DCC: variants seen among roughly 807,000 people sequenced by gnomAD.
DCC encodes netrin receptor DCC.
DCC carries 58 observed loss-of-function variants against 172.5 expected under a neutral mutation model. The ratio of observed to expected loss-of-function variants is 0.34; its 90% CI spans 0.27 to 0.42. The LOEUF (loss-of-function observed/expected upper bound fraction) is 0.42. Among genes scored for constraint, DCC ranks in the 10% least tolerant of loss-of-function variants. DCC has a pLI of 1.00. For missense variants in DCC, 1,740 were observed against 1,791.0 expected (o/e 0.97, Z 0.51); for synonymous variants, 709 against 644.5 (o/e 1.10, Z -1.52).
At chr18:52,955,000 C>T (rs377696111) in intron 5 of DCC, among the ~76,000 whole-genome samples, 12 of 152,236 alleles carry the variant, frequency 7.9e-5, no homozygotes, top group African/African-American at 2.9e-4. Flanking sequence ...CTCACTATGA[C>T]CATCCCACGC....
chr18:53,023,112 T>C (rs1437160197), intron 5 of DCC, among the ~76,000 whole-genome samples: 2 of 152,020 alleles, frequency 1.3e-5, no homozygotes, highest in Non-Finnish European at 2.9e-5. Context: ...ATGCACTTTT[T>C]CTAGTTTTGT....
intron 14 of DCC, among the ~76,000 whole-genome samples, chr18:53,323,167 T>TCG (rs1235218052): frequency 6.6e-6 from 1 of 152,188 alleles, no homozygotes. Context: ...TCTCTTTCCA[T>TCG]GTCTTCCTCA....
At chr18:53,077,432 T>G (rs2042738899) in intron 7 of DCC, among the ~76,000 whole-genome samples, 1 of 152,138 alleles carries the variant, frequency 6.6e-6, no homozygotes, top group South Asian at 2.1e-4. Context: ...GGGAAGGTAG[T>G]TGTACAATAG....
rs143890710 is a variant in DCC at position 52,530,063 on chromosome 18, A to G, written c.91+189185A>G. ...AATTAAACGTTAATATATTTTAGTGAAACTATATGATGTATAGTATATATG... is the reference window on the plus strand; with the variant it reads ...AATTAAACGTTAATATATTTTAGTGGAACTATATGATGTATAGTATATATG... On this transcript the variant is annotated intron_variant, in intron 1 of 28. Coordinates refer to ENST00000442544, the MANE Select transcript of DCC (RefSeq NM_005215.4). Among the ~76,000 whole-genome samples, 896 of 152,368 alleles carry G rather than the reference A, an allele frequency of 5.9e-3. 14 individuals carry two copies. Among genetic ancestry groups the G allele is most frequent in the African/African-American group, 0.021 (863 of 41,584 alleles).
intron 9 of DCC, among the ~76,000 whole-genome samples, chr18:53,188,174 T>C (rs142713728): frequency 4.6e-5 from 7 of 152,278 alleles, no homozygotes; most frequent in African/African-American, 1.4e-4. Flanking sequence ...ATTCCAACCA[T>C]TGAAATGTGC....
intron 27 of DCC, among the ~76,000 whole-genome samples, chr18:53,513,552 C>G (rs1308044242): frequency 1.3e-5 from 2 of 152,156 alleles, no homozygotes; most frequent in African/African-American, 2.4e-5. Flanking sequence ...CATCAGTGTG[C>G]TGTATTCAGG....
intron 21 of DCC, among the ~76,000 whole-genome samples, chr18:53,433,607 C>T (rs902900848): frequency 1.3e-5 from 2 of 152,150 alleles, no homozygotes; most frequent in Non-Finnish European, 2.9e-5. Context: ...GTTGATCTCA[C>T]GATGTCTCGT....
At chr18:52,723,203 T>C (rs9946497) in intron 1 of DCC, among the ~76,000 whole-genome samples, 24,431 of 152,232 alleles carry the variant, frequency 0.16, 2,116 homozygotes, top group South Asian at 0.25. Context: ...TGTTTGTTTG[T>C]CTTTTTGCTC....
intron 5 of DCC, among the ~76,000 whole-genome samples, chr18:53,005,121 C>A (rs1003737074): frequency 2.1e-4 from 32 of 152,308 alleles, no homozygotes; most frequent in African/African-American, 7.5e-4. Context: ...GCCCCTCAAT[C>A]TTGGACTTCT....
chr18:53,480,430 T>C (rs148751066), intron 25 of DCC, among the ~76,000 whole-genome samples: 1 of 152,320 alleles, frequency 6.6e-6, no homozygotes, highest in African/African-American at 2.4e-5. Context: ...ATTATCTTTC[T>C]CATGTCAAAA....
At chr18:52,601,425 T>A (rs1440026349) in intron 1 of DCC, among the ~76,000 whole-genome samples, 1 of 152,096 alleles carries the variant, frequency 6.6e-6, no homozygotes, top group African/African-American at 2.4e-5. Flanking sequence ...AATCTCCTGT[T>A]ATCTTACTCC....
chr18:53,517,061 A>ATGAT (rs1381024757), intron 27 of DCC, among the ~76,000 whole-genome samples: 3 of 143,400 alleles, frequency 2.1e-5, no homozygotes, highest in African/African-American at 8.1e-5. Flanking sequence ...ATGTCCAACA[A>ATGAT]TGATAGACTG....
At chr18:52,856,058 C>T (rs2039048174) in intron 2 of DCC, among the ~76,000 whole-genome samples, 1 of 151,798 alleles carries the variant, frequency 6.6e-6, no homozygotes, top group African/African-American at 2.4e-5. Context: ...AGCCACCGCG[C>T]CCCGCCATTA....
At chr18:53,339,205 T>C (rs2057626345) in intron 14 of DCC, among the ~76,000 whole-genome samples, 1 of 152,226 alleles carries the variant, frequency 6.6e-6, no homozygotes, top group African/African-American at 2.4e-5. Flanking sequence ...TAATAAACCA[T>C]GAATCAAGTA....
At chr18:52,452,096 G>A (rs1568176631) in intron 1 of DCC, among the ~76,000 whole-genome samples, 1 of 152,164 alleles carries the variant, frequency 6.6e-6, no homozygotes, top group Non-Finnish European at 1.5e-5. Context: ...TATCTGGCCT[G>A]ATTCTGATAA....
intron 15 of DCC, among the ~76,000 whole-genome samples, chr18:53,366,004 G>T (rs1294984249): frequency 2.0e-5 from 3 of 152,038 alleles, no homozygotes; most frequent in Non-Finnish European, 2.9e-5. Context: ...GTAGATTTGG[G>T]TTGAATCCTT....
At chr18:53,128,021 C>T (rs2043590637) in intron 7 of DCC, among the ~76,000 whole-genome samples, 1 of 152,110 alleles carries the variant, frequency 6.6e-6, no homozygotes, top group Non-Finnish European at 1.5e-5. Context: ...TTAATAACCT[C>T]AGATTCTTTA....
chr18:52,876,215 G>T (rs1478999738), intron 2 of DCC, among the ~76,000 whole-genome samples: 1 of 152,096 alleles, frequency 6.6e-6, no homozygotes, highest in African/African-American at 2.4e-5. Flanking sequence ...AAAGTTGGTG[G>T]CCACTTTTCT....
intron 7 of DCC, among the ~76,000 whole-genome samples, chr18:53,067,469 C>T (rs1387720327): frequency 6.6e-6 from 1 of 152,150 alleles, no homozygotes; most frequent in Non-Finnish European, 1.5e-5. Context: ...CTGCAGTGAG[C>T]TATGATCACA....
Sources: gnomAD v4.1 joint callset for allele counts (sites outside exome capture counted in the v4.1 genomes callset) on GRCh38, gnomAD v4.1.1 for gene constraint, MANE v1.5 for transcripts, NCBI Gene and HGNC (gene_info 2026-07-23, HGNC 2026-07-21) for gene names.